Variants in CEP63 observed in about 807,000 individuals in gnomAD.
CEP63 encodes centrosomal protein of 63 kDa.
Under a neutral mutation model 89.1 loss-of-function variants are expected in CEP63, and 84 were observed. The observed-to-expected ratio is 0.94, with a 90% CI of 0.79 to 1.13. The LOEUF (loss-of-function observed/expected upper bound fraction) is 1.13. CEP63 is among the 50% of genes most tolerant of loss of function. The pLI, the probability that CEP63 is intolerant of heterozygous loss-of-function variation, is 0.00. For synonymous variants in CEP63, 267 were observed against 272.5 expected, an observed-to-expected ratio of 0.98 and a Z score of 0.20; for missense variants, 838 against 813.3, an observed-to-expected ratio of 1.03 and a Z score of -0.37.
chr3:134,486,258 G>T, intron 1 of CEP63, 56 bp downstream of exon 1: 2 of 985,582 alleles, frequency 2.0e-6, no homozygotes. Flanking sequence ...CCGCCGGTGC[G>T]CAAGTTGGAG....
At chr3:134,663,704 C>T in the CEP63 span, among the ~76,000 whole-genome samples, 2 of 94,920 alleles carry the variant, frequency 2.1e-5, no homozygotes, top group African/African-American at 5.8e-5. Context: ...ATGCGGGGCC[C>T]CAGAGGGGCC....
At chr3:134,633,464 T>G in the CEP63 span, among the ~76,000 whole-genome samples, 1 of 152,108 alleles carries the variant, frequency 6.6e-6, no homozygotes, top group South Asian at 2.1e-4. Flanking sequence ...AATCAATGAA[T>G]GTAATTCACC....
the CEP63 span, among the ~76,000 whole-genome samples, chr3:134,692,010 G>A: frequency 7.9e-5 from 12 of 152,248 alleles, 1 homozygote; most frequent in South Asian, 4.1e-4. Flanking sequence ...ATGCCCAGCC[G>A]GCATTCTTTT....
intron 1 of CEP63, among the ~76,000 whole-genome samples, chr3:134,487,163 T>G (rs1049823961): frequency 6.6e-6 from 1 of 152,226 alleles, no homozygotes; most frequent in Non-Finnish European, 1.5e-5. Flanking sequence ...TTGCATTTAT[T>G]TTTTAGATAC....
chr3:134,516,818 A>AATG (rs764859566), intron 3 of CEP63, among the ~76,000 whole-genome samples: 9 of 152,192 alleles, frequency 5.9e-5, no homozygotes, highest in Non-Finnish European at 1.0e-4. Context: ...TACAGAACAA[A>AATG]ATGGAGTCTC....
At chr3:134,624,710 G>A in the CEP63 span, among the ~76,000 whole-genome samples, 15 of 152,340 alleles carry the variant, frequency 9.8e-5, no homozygotes, top group African/African-American at 2.9e-4. Context: ...TCCATGGACT[G>A]GAGGCAGGCA....
the CEP63 span, among the ~76,000 whole-genome samples, chr3:134,647,714 G>C: frequency 2.0e-4 from 31 of 152,320 alleles, no homozygotes; most frequent in South Asian, 5.8e-3. Flanking sequence ...AGGGCAGCAG[G>C]GTTGGTTATC....
intron 3 of CEP63, among the ~76,000 whole-genome samples, chr3:134,522,252 T>C (rs2108789747): frequency 6.6e-6 from 1 of 152,198 alleles, no homozygotes; most frequent in East Asian, 1.9e-4. Context: ...TGCCAAGAGA[T>C]CAGGAAAATT....
At chr3:134,763,148 TATAC>T in the CEP63 span, among the ~76,000 whole-genome samples, 3,018 of 152,152 alleles carry the variant, frequency 0.02, 42 homozygotes, top group Non-Finnish European at 0.031. Flanking sequence ...GTTACATATG[TATAC>T]ATGTGCTCTG....
chr3:134,673,534 A>G, the CEP63 span, among the ~76,000 whole-genome samples: 1 of 152,114 alleles, frequency 6.6e-6, no homozygotes, highest in African/African-American at 2.4e-5. Flanking sequence ...ACCCTGGCTC[A>G]GTGTGGCAGC....
Position 134,564,698 on chromosome 3 carries a change from T to A in CEP63, c.*3163T>A. ...GAAAGGGCTTTGCAGTTTTAAGTAC[T>A]GTACCTATGTGCATTGCTGTTACAT... On this transcript the variant is annotated 3_prime_UTR_variant, in exon 15 of 15. Transcript: ENST00000675561. 1.0e-6 allele frequency: 1 copy of A among 985,416 alleles called. No homozygotes were observed. 61.0% of individuals were successfully genotyped at this position (985,416 alleles called of 1,614,324 possible).
In CEP63 at chr3:134,562,076, C is replaced by CT. The variant is rs140864576; in HGVS notation, c.*542dup. ...TGGTAGTGAATAAGGGGGGGGTGTGCTAAAGAACCTTATCAAGCAGTCCTC... is the reference window on the plus strand; with the variant it reads ...TGGTAGTGAATAAGGGGGGGGTGTGCTTAAAGAACCTTATCAAGCAGTCCTC... On this transcript the variant is annotated 3_prime_UTR_variant, in exon 15 of 15. Coordinates refer to ENST00000675561, the MANE Select transcript of CEP63 (RefSeq NM_001353108.3). The CT allele has an allele frequency of 1.9e-3, 1,904 of 994,046 alleles. 27 individuals carry two copies. In the African/African-American group the frequency reaches 0.031, roughly 16 times the overall value. The allele number at this position is 994,046 out of a possible 1,614,324, so 61.6% of individuals were successfully genotyped here. A position where few individuals can be genotyped will look rare whatever the true frequency, so the allele number is the denominator to read the frequency against.
chr3:134,638,315 A>G, the CEP63 span, among the ~76,000 whole-genome samples: 9 of 152,352 alleles, frequency 5.9e-5, no homozygotes, highest in Middle Eastern at 3.4e-3. Context: ...AAAAAATATT[A>G]GTGTGGCCAA....
chr3:134,568,904 A>C (rs1356820122), downstream of CEP63, among the ~76,000 whole-genome samples: 1 of 152,238 alleles, frequency 6.6e-6, no homozygotes. Context: ...AAAGAGGTGT[A>C]ATAGACTTAC....
chr3:134,558,375 A>T, intron 13 of CEP63, 28 bp downstream of exon 13: 1 of 1,373,962 alleles, frequency 7.3e-7, no homozygotes, highest in Non-Finnish European at 1.0e-6. Context: ...TTTATTTAAA[A>T]TGTGTATTGG....
the CEP63 span, among the ~76,000 whole-genome samples, chr3:134,658,775 T>C: frequency 5.9e-5 from 9 of 152,154 alleles, no homozygotes; most frequent in African/African-American, 9.7e-5. Context: ...GAGCATGAAT[T>C]TGGGGAGAGC....
Position 134,532,902 on chromosome 3 carries a change from T to TA in CEP63, c.441+3dup. The TA allele has an allele frequency of 3.1e-6, 5 of 1,613,402 alleles. No homozygotes were observed. The highest frequency in any genetic ancestry group is 4.2e-6 in the Non-Finnish European group (5 of 1,179,634). ...GAGAGGTTAACTGCAAAAATAGAGGTATGTTCATAGTAATAATTTGTTCAT... is the reference window on the plus strand; with the variant it reads ...GAGAGGTTAACTGCAAAAATAGAGGTAATGTTCATAGTAATAATTTGTTCAT... On this transcript the variant is annotated splice_region_variant and intron_variant, in intron 5 of 14. Transcript: ENST00000675561.
At chr3:134,616,033 T>G in the CEP63 span, among the ~76,000 whole-genome samples, 1 of 152,188 alleles carries the variant, frequency 6.6e-6, no homozygotes, top group Non-Finnish European at 1.5e-5. Flanking sequence ...AAAGCCATGC[T>G]AACGGGAAGA....
chr3:134,620,781 C>T, the CEP63 span: 14 of 1,613,592 alleles, frequency 8.7e-6, no homozygotes, highest in Admixed American at 3.3e-5. Flanking sequence ...CCAGATGGCG[C>T]GGACCCTTTC....
Sources: gnomAD v4.1 joint callset for allele counts (sites outside exome capture counted in the v4.1 genomes callset) on GRCh38, gnomAD v4.1.1 for gene constraint, MANE v1.5 for transcripts, NCBI Gene and HGNC (gene_info 2026-07-23, HGNC 2026-07-21) for gene names.